Variants in EXOC6B observed in about 807,000 individuals in gnomAD.
EXOC6B encodes exocyst complex component 6B, also known as SEC15 homolog B.
A neutral mutation model predicts 113.5 loss-of-function variants in EXOC6B; 54 were observed. The ratio of observed to expected loss-of-function variants is 0.48; its 90% CI spans 0.38 to 0.60. EXOC6B has a LOEUF of 0.60. Ranked by LOEUF, EXOC6B falls within the 20% of genes least tolerant of loss-of-function variation. EXOC6B has a pLI of 0.00. For synonymous variants in EXOC6B, 357 were observed against 339.0 expected, an observed-to-expected ratio of 1.05 and a Z score of -0.58; for missense variants, 797 against 977.5, an observed-to-expected ratio of 0.82 and a Z score of 2.46.
At chr2:72,338,910 CACACATACACAT>C (rs70963125) in intron 19 of EXOC6B, among the ~76,000 whole-genome samples, 3,018 of 142,502 alleles carry the variant, frequency 0.021, 99 homozygotes, top group African/African-American at 0.071. Context: ...TGGAAGAACA[CACACATACACAT>C]ACACATACAC....
chr2:72,790,029 G>A (rs1174341469), intron 1 of EXOC6B, among the ~76,000 whole-genome samples: 1 of 152,128 alleles, frequency 6.6e-6, no homozygotes, highest in Non-Finnish European at 1.5e-5. Context: ...GATGCTCACA[G>A]ATTTCCCCCA....
intron 19 of EXOC6B, among the ~76,000 whole-genome samples, chr2:72,346,333 T>C (rs921566237): frequency 4.6e-5 from 7 of 152,168 alleles, no homozygotes; most frequent in African/African-American, 1.4e-4. Context: ...TCCATCTGGC[T>C]GTACCATGTG....
At chr2:72,547,797 C>T (rs530304894) in intron 8 of EXOC6B, among the ~76,000 whole-genome samples, 9 of 152,242 alleles carry the variant, frequency 5.9e-5, no homozygotes, top group Admixed American at 5.9e-4. Context: ...AGACACATAG[C>T]CCACCCGTCT....
rs1314528431 is a variant in EXOC6B at position 72,465,334 on chromosome 2, A to G, written c.1806T>C (p.Ala602=). Residue 602 remains alanine (A), a synonymous_variant, in exon 18 of 22, where the codon GCT becomes GCC. Transcript: ENST00000272427. Reference sequence around the variant, plus strand: ...AAATCTCTTCTTCAGCTGCATGTCTAGCATCCTGTGAAAAAATATAAAATT... The same window carrying G: ...AAATCTCTTCTTCAGCTGCATGTCTGGCATCCTGTGAAAAAATATAAAATT... ...KLYGTTTFKD[A]RHAAEEEIYT... is the part of the protein sequence containing the mutation. 1 of 1,570,646 alleles carries G rather than the reference A, an allele frequency of 6.4e-7. No homozygotes were observed. The highest frequency in any genetic ancestry group is 8.6e-7 in the Non-Finnish European group (1 of 1,161,672).
intron 20 of EXOC6B, among the ~76,000 whole-genome samples, chr2:72,223,327 T>A (rs576386601): frequency 6.6e-6 from 1 of 152,138 alleles, no homozygotes; most frequent in Admixed American, 6.5e-5. Context: ...ACCACCAAGT[T>A]ATGAGTGCAG....
chr2:72,509,838 T>A (rs1340327682), intron 11 of EXOC6B, among the ~76,000 whole-genome samples: 1 of 152,092 alleles, frequency 6.6e-6, no homozygotes. Flanking sequence ...TTTTATTTAT[T>A]TATTTATTTT....
At chr2:72,535,870 CA>C (rs35608008) in intron 8 of EXOC6B, among the ~76,000 whole-genome samples, 85,630 of 131,478 alleles carry the variant, frequency 0.65, 30,432 homozygotes, top group East Asian at 0.97. Context: ...AATTCTGTCT[CA>C]AAAAAAAAAA....
At chr2:72,824,650 G>A (rs1276193977) in intron 1 of EXOC6B, among the ~76,000 whole-genome samples, 1 of 152,072 alleles carries the variant, frequency 6.6e-6, no homozygotes, top group Non-Finnish European at 1.5e-5. Flanking sequence ...TGATGGGAGG[G>A]GCAGTGACCC....
At position 72,731,039 on chromosome 2, in the gene EXOC6B, G is replaced by A. The variant is rs927059994; in HGVS notation, c.432C>T (p.Tyr144=). ...LMLCLPVLEM[Y]SKLRDQMKTK... ...TTTTCATCTGGTCCCTCAGTTTGCT[G>A]TACATCTCTAGGACTTAAAAGAAAG... The change falls in exon 5 of 22, where the codon TAC becomes TAT. Residue 144 remains tyrosine (Y), a synonymous_variant. Coordinates refer to ENST00000272427, the MANE Select transcript of EXOC6B (RefSeq NM_015189.3). 1.4e-5 allele frequency: 22 copies of A among 1,548,168 alleles called. No individual in the cohort carries two copies. Among genetic ancestry groups the A allele is most frequent in the Non-Finnish European group, 1.8e-5 (21 of 1,147,612 alleles).
intron 1 of EXOC6B, among the ~76,000 whole-genome samples, chr2:72,798,184 A>G (rs1315240584): frequency 6.6e-6 from 1 of 152,184 alleles, no homozygotes; most frequent in Non-Finnish European, 1.5e-5. Flanking sequence ...ACAAAGACAA[A>G]AAGTAAATCT....
chr2:72,231,986 T>A (rs1197120915), intron 20 of EXOC6B, among the ~76,000 whole-genome samples: 1 of 151,440 alleles, frequency 6.6e-6, no homozygotes, highest in Non-Finnish European at 1.5e-5. Context: ...TTATATATAA[T>A]TTTTTTTTGA....
chr2:72,785,943 G>T (rs1204478406), intron 1 of EXOC6B, among the ~76,000 whole-genome samples: 2 of 152,202 alleles, frequency 1.3e-5, no homozygotes, highest in African/African-American at 4.8e-5. Flanking sequence ...TGAATGCCAG[G>T]CTGGGTGTGG....
intron 20 of EXOC6B, among the ~76,000 whole-genome samples, chr2:72,217,494 T>A (rs1559026752): frequency 1.3e-5 from 2 of 152,302 alleles, no homozygotes; most frequent in East Asian, 3.9e-4. Context: ...ACTCACTGTG[T>A]GCAAGACTTT....
chr2:72,647,964 A>C (rs951324374), intron 6 of EXOC6B, among the ~76,000 whole-genome samples: 2 of 152,348 alleles, frequency 1.3e-5, no homozygotes, highest in South Asian at 4.1e-4. Context: ...TCTGCACGGC[A>C]AAAGAAACTA....
intron 20 of EXOC6B, among the ~76,000 whole-genome samples, chr2:72,294,036 C>T (rs1685969893): frequency 6.9e-6 from 1 of 145,702 alleles, no homozygotes; most frequent in Admixed American, 6.8e-5. Context: ...GGAAGAAGTC[C>T]ACAATAAAAG....
intron 6 of EXOC6B, among the ~76,000 whole-genome samples, chr2:72,646,872 T>C (rs1280356995): frequency 6.6e-6 from 1 of 152,162 alleles, no homozygotes; most frequent in Non-Finnish European, 1.5e-5. Context: ...CTGGAAGCAT[T>C]CCCTTTGAAA....
At chr2:72,552,291 T>C (rs903906433) in intron 8 of EXOC6B, among the ~76,000 whole-genome samples, 1 of 152,192 alleles carries the variant, frequency 6.6e-6, no homozygotes, top group African/African-American at 2.4e-5. Flanking sequence ...GACTATTGGC[T>C]TAATTACAAC....
At chr2:72,422,597 C>T (rs1381867180) in intron 18 of EXOC6B, among the ~76,000 whole-genome samples, 1 of 151,794 alleles carries the variant, frequency 6.6e-6, no homozygotes, top group East Asian at 1.9e-4. Context: ...CAATCAGCAC[C>T]CTGTGTGTAG....
chr2:72,753,009 G>C (rs911456165), intron 1 of EXOC6B, among the ~76,000 whole-genome samples: 4 of 151,864 alleles, frequency 2.6e-5, no homozygotes, highest in South Asian at 2.1e-4. Context: ...CAATACCTCA[G>C]TTGTTAGTAT....
Sources: gnomAD v4.1 joint callset for allele counts (sites outside exome capture counted in the v4.1 genomes callset) on GRCh38, gnomAD v4.1.1 for gene constraint, MANE v1.5 for transcripts, NCBI Gene and HGNC (gene_info 2026-07-23, HGNC 2026-07-21) for gene names.